HERC3: variants seen among roughly 807,000 people sequenced by gnomAD.
HERC3 encodes HECT and RLD domain containing E3 ubiquitin protein ligase 3, also known as probable E3 ubiquitin-protein ligase HERC3.
A neutral mutation model predicts 129.9 loss-of-function variants in HERC3; 58 were observed. That is an observed-to-expected ratio of 0.45 (90% CI 0.36 to 0.56). The LOEUF (loss-of-function observed/expected upper bound fraction) is 0.56, where lower values mean the gene tolerates loss of function less well. Among genes scored for constraint, HERC3 ranks in the 20% least tolerant of loss-of-function variants. HERC3 has a pLI of 0.00. For missense variants in HERC3, 835 were observed against 1,244.2 expected, an observed-to-expected ratio of 0.67 and a Z score of 4.95; for synonymous variants, 430 against 451.0, an observed-to-expected ratio of 0.95 and a Z score of 0.59.
chr4:88,671,187 G>A (rs946557961), intron 16 of HERC3, among the ~76,000 whole-genome samples: 4 of 152,082 alleles, frequency 2.6e-5, no homozygotes, highest in Non-Finnish European at 5.9e-5. Context: ...TGTGGAGTAT[G>A]TGCAAATTTG....
chr4:88,529,094 G>T, the HERC3 span, among the ~76,000 whole-genome samples: 3 of 152,088 alleles, frequency 2.0e-5, no homozygotes, highest in Non-Finnish European at 2.9e-5. Context: ...ATTATAATAA[G>T]TGAAAAACAA....
At chr4:88,529,037 G>A in the HERC3 span, among the ~76,000 whole-genome samples, 1 of 152,120 alleles carries the variant, frequency 6.6e-6, no homozygotes, top group Admixed American at 6.5e-5. Flanking sequence ...TGGCAGGCAT[G>A]CACCATTATT....
chr4:88,670,112 A>C (rs140017646), intron 15 of HERC3, 27 bp from the exon 16 acceptor site: 2 of 1,602,100 alleles, frequency 1.2e-6, no homozygotes, highest in South Asian at 1.1e-5. Context: ...GCCATGTTTC[A>C]GTTGTCTGTA....
chr4:88,655,627 G>T (rs1219999580), intron 8 of HERC3, among the ~76,000 whole-genome samples: 3 of 152,168 alleles, frequency 2.0e-5, no homozygotes, highest in Non-Finnish European at 4.4e-5. Context: ...GCTTCTCTCT[G>T]TTCATCTTAG....
chr4:88,557,423 G>T, the HERC3 span, among the ~76,000 whole-genome samples: 1 of 152,134 alleles, frequency 6.6e-6, no homozygotes, highest in South Asian at 2.1e-4. Flanking sequence ...TATTAACTCA[G>T]GTTTTCATGA....
At chr4:88,606,102 C>T (rs1295179104) in intron 3 of HERC3, 53 bp downstream of exon 3, 2 of 1,442,618 alleles carry the variant, frequency 1.4e-6, no homozygotes, top group Non-Finnish European at 1.9e-6. Context: ...AGTTGGAGGA[C>T]ACAATGGCAG....
intron 10 of HERC3, 132 bp from the exon 11 acceptor site, chr4:88,662,299 G>A: frequency 1.2e-6 from 1 of 822,990 alleles, no homozygotes; most frequent in Non-Finnish European, 1.8e-6. Flanking sequence ...AGGGTGGAGG[G>A]GATCTGGGCG....
the HERC3 span, chr4:88,527,743 A>T: frequency 6.8e-5 from 21 of 308,756 alleles, no homozygotes; most frequent in Non-Finnish European, 2.6e-5. Context: ...CAAGAAAAAC[A>T]GGTGCCTGCT....
At chr4:88,694,285 G>T (rs1230275697) in intron 23 of HERC3, among the ~76,000 whole-genome samples, 1 of 152,172 alleles carries the variant, frequency 6.6e-6, no homozygotes. Context: ...CTCTGCTGAT[G>T]TCCTTTATGT....
At chr4:88,624,469 T>G in intron 3 of HERC3, among the ~76,000 whole-genome samples, 1 of 152,230 alleles carries the variant, frequency 6.6e-6, no homozygotes, top group Non-Finnish European at 1.5e-5. Context: ...CCTTAATGAC[T>G]AATGAACTTG....
At chr4:88,602,402 C>CAA (rs112656963) in intron 2 of HERC3, among the ~76,000 whole-genome samples, 210 of 50,916 alleles carry the variant, frequency 4.1e-3, no homozygotes, top group African/African-American at 7.2e-3. Context: ...ACTTGGTCTC[C>CAA]AAAAAAAAAA....
intron 23 of HERC3, chr4:88,690,341 G>A: frequency 2.0e-6 from 2 of 985,364 alleles, no homozygotes; most frequent in Non-Finnish European, 2.4e-6. Flanking sequence ...TAGCCCAGCT[G>A]ATTTCCCTTC....
At position 88,697,824 on chromosome 4, in the gene HERC3, G is replaced by C. The variant is rs993025334; in HGVS notation, c.2658-6274G>C. 4.0e-6 allele frequency: 6 copies of C among 1,501,368 alleles called. No homozygotes were observed. The African/African-American group carries it at 8.4e-5, about 21-fold the overall frequency. 93.0% of individuals were successfully genotyped at this position (1,501,368 alleles called of 1,614,324 possible). Reference sequence around the variant, plus strand: ...CCCTGCACCCGAGCTGGTCCAGAGAGATCTTGCGGATGCGGCAAGTGGCGG... The same window carrying C: ...CCCTGCACCCGAGCTGGTCCAGAGACATCTTGCGGATGCGGCAAGTGGCGG... On this transcript the variant is annotated intron_variant, in intron 23 of 25. Coordinates refer to ENST00000402738, the MANE Select transcript of HERC3 (RefSeq NM_014606.3).
At chr4:88,675,319 A>G (rs1361967333) in intron 16 of HERC3, among the ~76,000 whole-genome samples, 1 of 152,140 alleles carries the variant, frequency 6.6e-6, no homozygotes, top group African/African-American at 2.4e-5. Context: ...TTCTCACTAC[A>G]CCTGGACGAT....
chr4:88,617,175 CAAAAAAAAAAAAAA>C (rs1162260456), intron 3 of HERC3, among the ~76,000 whole-genome samples: 4 of 31,860 alleles, frequency 1.3e-4, no homozygotes, highest in African/African-American at 4.1e-4. Flanking sequence ...ACCCTGTCTC[CAAAAAAAAAAAAAA>C]AAAAAAAAAA....
rs1316233005 is a variant in HERC3 at position 88,704,143 on chromosome 4, A to T, written c.2703A>T (p.Ser901=). The change falls in exon 24 of 26, where the codon TCA becomes TCT. Residue 901 remains serine (S), a synonymous_variant. Coordinates refer to ENST00000402738, the MANE Select transcript of HERC3 (RefSeq NM_014606.3). ...DAYVNYVFQI[S]VHEWYTAFSS... is the part of the protein sequence containing the mutation. ...ATGTGAATTATGTCTTCCAAATCTC[A>T]GTTCATGAATGGTACACAGCCTTCT... 28 of 1,614,080 alleles carry T rather than the reference A, an allele frequency of 1.7e-5. No individual in the cohort carries two copies. Among genetic ancestry groups the T allele is most frequent in the Non-Finnish European group, 2.4e-5 (28 of 1,179,986 alleles).
intron 20 of HERC3, among the ~76,000 whole-genome samples, chr4:88,680,535 T>C (rs1393189583): frequency 6.6e-6 from 1 of 152,180 alleles, no homozygotes; most frequent in Non-Finnish European, 1.5e-5. Context: ...ATATGGAAGG[T>C]CAATAATCAA....
At chr4:88,674,837 G>T (rs958823049) in intron 16 of HERC3, among the ~76,000 whole-genome samples, 3 of 152,084 alleles carry the variant, frequency 2.0e-5, no homozygotes, top group African/African-American at 7.2e-5. Flanking sequence ...GTGTTTCTCT[G>T]TCTAGAGAAA....
chr4:88,546,609 A>G, the HERC3 span, among the ~76,000 whole-genome samples: 1 of 150,946 alleles, frequency 6.6e-6, no homozygotes, highest in Non-Finnish European at 1.5e-5. Flanking sequence ...TCCTGGGTTT[A>G]ACTGATTTTC....
Sources: gnomAD v4.1 joint callset for allele counts (sites outside exome capture counted in the v4.1 genomes callset) on GRCh38, gnomAD v4.1.1 for gene constraint, MANE v1.5 for transcripts, NCBI Gene and HGNC (gene_info 2026-07-23, HGNC 2026-07-21) for gene names.